Variants in TMEM134 observed in about 807,000 individuals in gnomAD.
TMEM134 encodes the protein transmembrane protein 134.
In TMEM134, 36 loss-of-function variants were observed where a neutral mutation model predicts 26.2. The observed-to-expected ratio is 1.37, with a 90% CI of 1.05 to 1.81. The LOEUF (loss-of-function observed/expected upper bound fraction) is 1.81, where lower values mean the gene tolerates loss of function less well. Among genes scored for constraint, TMEM134 ranks in the 40% most tolerant of loss-of-function variants. The pLI is 0.00. For missense variants in TMEM134, 339 were observed against 263.5 expected (o/e 1.29, Z -1.98); for synonymous variants, 133 against 113.6 (o/e 1.17, Z -1.08).
rs1225849663 is a variant in TMEM134 at position 67,467,600 on chromosome 11, C to T, written c.240-10G>A. On this transcript the variant is annotated splice_polypyrimidine_tract_variant and intron_variant, in intron 2 of 6. Coordinates refer to ENST00000308022, the MANE Select transcript of TMEM134 (RefSeq NM_025124.4). Reference sequence around the variant, plus strand: ...AGTTCGGCTGGAATCCCTGCCAGGACAGGCGCCCAGTGAGGGGCAGGGAGG... The same window carrying T: ...AGTTCGGCTGGAATCCCTGCCAGGATAGGCGCCCAGTGAGGGGCAGGGAGG... 1.2e-6 allele frequency: 2 copies of T among 1,613,696 alleles called. No homozygotes were observed. The highest frequency in any genetic ancestry group is 1.7e-6 in the Non-Finnish European group (2 of 1,179,950).
At position 67,464,876 on chromosome 11, in the gene TMEM134, C is replaced by A; in HGVS notation, c.452-20G>T. 6.8e-6 allele frequency: 11 copies of A among 1,609,378 alleles called. No individual in the cohort carries two copies. The highest frequency in any genetic ancestry group is 9.3e-6 in the Non-Finnish European group (11 of 1,179,340). On this transcript the variant is annotated intron_variant, in intron 5 of 6. Transcript: ENST00000308022. Reference sequence around the variant, plus strand: ...AGACACCTGCGGGAGGGACCAGAGCCCGGTCAGGGCGAGGGGGCGGAGGCT... The same window carrying A: ...AGACACCTGCGGGAGGGACCAGAGCACGGTCAGGGCGAGGGGGCGGAGGCT...
rs1865078024 is a variant in TMEM134, at chr11:67,463,550, TTC to T, written c.*1062_*1063del. ...TGCTTAGCGCAGGGCCTAGTATATT[TTC>T]TTTTCTTTTTTTTTTTTTAAATAGA... On this transcript the variant is annotated 3_prime_UTR_variant, in exon 7 of 7. Transcript: ENST00000308022. 1 of 122,738 alleles carries T rather than the reference TTC, an allele frequency of 8.1e-6. No individual in the cohort carries two copies. Among genetic ancestry groups the T allele is most frequent in the Admixed American group, 8.1e-5 (1 of 12,416 alleles). 7.6% of individuals were successfully genotyped at this position (122,738 alleles called of 1,614,324 possible).
intron 2 of TMEM134, 128 bp downstream of exon 2, chr11:67,467,900 G>A: frequency 2.2e-6 from 2 of 896,328 alleles, no homozygotes; most frequent in Non-Finnish European, 3.4e-6. Flanking sequence ...AGGAAAGTGA[G>A]GGTCAGGCTA....
In TMEM134 at chr11:67,462,787, C is replaced by CA. The variant is rs1247346522; in HGVS notation, c.*1826dup. On this transcript the variant is annotated 3_prime_UTR_variant, in exon 7 of 7. Coordinates refer to ENST00000308022, the MANE Select transcript of TMEM134 (RefSeq NM_025124.4). The stretch of plus-strand genomic sequence containing the variant: ...CAATCATGACTCCACTGCAGCCTCC[C>CA]AGGCTCCGTGATCCTCCCACTCCAG... 1 of 152,048 alleles carries CA rather than the reference C, an allele frequency of 6.6e-6. No individual in the cohort carries two copies. The highest frequency in any genetic ancestry group is 1.5e-5 in the Non-Finnish European group (1 of 68,022). The allele number at this position is 152,048 out of a possible 1,614,324, so 9.4% of individuals were successfully genotyped here.
rs1044025771 is a variant in TMEM134, at chr11:67,464,331, G to C, written c.*283C>G. 2.0e-6 allele frequency: 1 copy of C among 503,628 alleles called. No homozygotes were observed. Among genetic ancestry groups the C allele is most frequent in the African/African-American group, 2.3e-5 (1 of 44,046 alleles). The allele number at this position is 503,628 out of a possible 1,614,324, so 31.2% of individuals were successfully genotyped here. A position where few individuals can be genotyped will look rare whatever the true frequency, so the allele number is the denominator to read the frequency against. On this transcript the variant is annotated 3_prime_UTR_variant, in exon 7 of 7. Coordinates refer to ENST00000308022, the MANE Select transcript of TMEM134 (RefSeq NM_025124.4). ...CTGGTGGGCTGGGCTAGCAGTGGCA[G>C]GACAGGAGGAGAGCAATTGCCTCTG...
chr11:67,464,700 C>T lies in TMEM134; in HGVS notation c.506-4G>A, dbSNP rs1454163548. ...TAGATGAAGATCACGTGATAGACTG[C>T]GGGGCGGGGCCTGTCAGCGCAGAAG... On this transcript the variant is annotated splice_region_variant and splice_polypyrimidine_tract_variant and intron_variant, in intron 6 of 6. Transcript: ENST00000308022. The T allele has an allele frequency of 5.2e-6, 8 of 1,552,202 alleles. No individual in the cohort carries two copies. Among genetic ancestry groups the T allele is most frequent in the Admixed American group, 2.0e-5 (1 of 51,108 alleles).
intron 1 of TMEM134, among the ~76,000 whole-genome samples, chr11:67,468,572 GGGT>G (rs1440666375): frequency 3.3e-5 from 5 of 152,212 alleles, no homozygotes; most frequent in Non-Finnish European, 7.3e-5. Context: ...CAGCTCTTAG[GGGT>G]GGTGGTGGGA....
Position 67,462,690 on chromosome 11 carries a change from A to AT in TMEM134, c.*1923dup. On this transcript the variant is annotated 3_prime_UTR_variant, in exon 7 of 7. Coordinates refer to ENST00000308022, the MANE Select transcript of TMEM134 (RefSeq NM_025124.4). ...TTATTTCATTTTTCTAGTTTTTAAA[A>AT]TTTTTATGTTATTTATTTATTTATT... 1 of 150,342 alleles carries AT rather than the reference A, an allele frequency of 6.7e-6. No homozygotes were observed. Among genetic ancestry groups the AT allele is most frequent in the East Asian group, 2.0e-4 (1 of 5,082 alleles). 9.3% of individuals were successfully genotyped at this position (150,342 alleles called of 1,614,324 possible).
chr11:67,465,350 T>C (rs908602010), intron 4 of TMEM134: 1 of 1,041,686 alleles, frequency 9.6e-7, no homozygotes, highest in African/African-American at 1.7e-5. Context: ...ATGGAACACC[T>C]ACTGCGTGCC....
At chr11:67,467,984 A>C in intron 2 of TMEM134, 44 bp downstream of exon 2, 2 of 1,534,188 alleles carry the variant, frequency 1.3e-6, no homozygotes, top group Non-Finnish European at 1.8e-6. Flanking sequence ...TGGGGATAGG[A>C]GCTGGGGCTG....
chr11:67,465,350 T>A, intron 4 of TMEM134: 1 of 1,041,804 alleles, frequency 9.6e-7, no homozygotes, highest in Non-Finnish European at 1.3e-6. Flanking sequence ...ATGGAACACC[T>A]ACTGCGTGCC....
rs1247440258 is a variant in TMEM134 at position 67,464,521 on chromosome 11, G to T, written c.*93C>A. 7 of 1,336,580 alleles carry T rather than the reference G, an allele frequency of 5.2e-6. No individual in the cohort carries two copies. Among genetic ancestry groups the T allele is most frequent in the Non-Finnish European group, 6.3e-6 (6 of 956,164 alleles). The allele number at this position is 1,336,580 out of a possible 1,614,324, so 82.8% of individuals were successfully genotyped here. ...ACTCCCTAGGGGCTGGGGTTTCGAG[G>T]GTCCTGGAGGGCCTCTTCCCTTGAG... On this transcript the variant is annotated 3_prime_UTR_variant, in exon 7 of 7. Coordinates refer to ENST00000308022, the MANE Select transcript of TMEM134 (RefSeq NM_025124.4).
Position 67,464,578 on chromosome 11 carries a change from C to T in TMEM134, c.*36G>A. The stretch of plus-strand genomic sequence containing the variant: ...GGAACGGAACAGGGCAAGAGGGGCG[C>T]CCCCATGGGCGCAAGGGGTCCACGC... On this transcript the variant is annotated 3_prime_UTR_variant, in exon 7 of 7. Transcript: ENST00000308022. 6.5e-7 allele frequency: 1 copy of T among 1,546,356 alleles called. No individual in the cohort carries two copies. The highest frequency in any genetic ancestry group is 8.8e-7 in the Non-Finnish European group (1 of 1,142,186).
chr11:67,467,316 C>T lies in TMEM134; in HGVS notation c.402G>A (p.Gly134=). The change falls in exon 4 of 7, where the codon GGG becomes GGA. Residue 134 remains glycine, a synonymous_variant. Transcript: ENST00000308022. ...CCAACCCTCAGGGCCACTCACCCAG[C>T]CCCAGCAGCAGGAGCAGGAAGGAGG... ...VLASFLLLLL[G]LVLILVGVGL... 6.2e-7 allele frequency: 1 copy of T among 1,613,736 alleles called. No individual in the cohort carries two copies. The highest frequency in any genetic ancestry group is 8.5e-7 in the Non-Finnish European group (1 of 1,179,886).
At chr11:67,465,343 G>T in intron 4 of TMEM134, 1 of 1,124,134 alleles carries the variant, frequency 8.9e-7, no homozygotes, top group Non-Finnish European at 1.2e-6. Context: ...AACATTTATG[G>T]AACACCTACT....
chr11:67,467,721 A>T, intron 2 of TMEM134, 131 bp from the exon 3 acceptor site: 1 of 871,102 alleles, frequency 1.1e-6, no homozygotes, highest in Non-Finnish European at 1.8e-6. Context: ...GGGCCCTGAG[A>T]GGCCTCGGTG....
Position 67,468,986 on chromosome 11 carries a change from G to C in TMEM134, c.174+33C>G, listed in dbSNP as rs1190482282. 5.5e-6 allele frequency: 8 copies of C among 1,446,022 alleles called. No homozygotes were observed. The Admixed American group carries it at 7.6e-5, about 14-fold the overall frequency. 89.6% of individuals were successfully genotyped at this position (1,446,022 alleles called of 1,614,324 possible). A position where few individuals can be genotyped will look rare whatever the true frequency, so the allele number is the denominator to read the frequency against. ...CCCGGCCTGGGGTCCCGTCCGGCCG[G>C]GGGCAGGGGGTTAGGTGGGCCGGGC... On this transcript the variant is annotated intron_variant, in intron 1 of 6. Transcript: ENST00000308022.
At position 67,467,354 on chromosome 11, in the gene TMEM134, G is replaced by T. The variant is rs756229958; in HGVS notation, c.364C>A (p.Arg122=). Residue 122 remains arginine, a synonymous_variant, in exon 4 of 7, where the codon CGA becomes AGA. Coordinates refer to ENST00000308022, the MANE Select transcript of TMEM134 (RefSeq NM_025124.4). ...AGCAGGAAGGAGGCCAGCACCACTCGGCGGTTCTTCTGGATCAAAGGGTGT... is the reference window on the plus strand; with the variant it reads ...AGCAGGAAGGAGGCCAGCACCACTCTGCGGTTCTTCTGGATCAAAGGGTGT... ...TQHPLIQKNR[R]VVLASFLLLL... is the part of the protein sequence containing the mutation. The T allele has an allele frequency of 1.2e-6, 2 of 1,613,856 alleles. No individual in the cohort carries two copies. The highest frequency in any genetic ancestry group is 8.5e-7 in the Non-Finnish European group (1 of 1,179,854).
chr11:67,466,729 A>G (rs1865272458), intron 4 of TMEM134: 2 of 160,208 alleles, frequency 1.2e-5, no homozygotes, highest in East Asian at 1.9e-4. Flanking sequence ...CCTCTACCCC[A>G]AAGAACGAGG....
Sources: allele counts gnomAD v4.1 joint callset (sites outside exome capture counted in the v4.1 genomes callset), GRCh38; gene constraint gnomAD v4.1.1; transcripts MANE v1.5; gene names NCBI Gene and HGNC (gene_info 2026-07-23, HGNC 2026-07-21).